The following ASPA variants were observed in gnomAD, a reference collection of about 807,000 sequenced individuals.
ASPA encodes aspartoacylase.
ASPA carries 25 observed loss-of-function variants against 29.6 expected under a neutral mutation model. The observed-to-expected ratio is 0.85, with a 90% CI of 0.62 to 1.18. The LOEUF (loss-of-function observed/expected upper bound fraction) is 1.18. Ranked by LOEUF, ASPA falls within the 50% of genes most tolerant of loss-of-function variation. ASPA has a pLI of 0.00. For missense variants in ASPA, 333 were observed against 385.7 expected, an observed-to-expected ratio of 0.86 and a Z score of 1.14; for synonymous variants, 131 against 130.3, an observed-to-expected ratio of 1.01 and a Z score of -0.04.
intron 5 of ASPA, among the ~76,000 whole-genome samples, chr17:3,497,113 T>A (rs936295860): frequency 6.6e-6 from 1 of 152,178 alleles, no homozygotes; most frequent in Non-Finnish European, 1.5e-5. Context: ...CCAGGGGCTC[T>A]GATCTAATTC....
intron 3 of ASPA, among the ~76,000 whole-genome samples, chr17:3,484,183 A>C (rs9904040): frequency 0.28 from 41,808 of 151,900 alleles, 6,223 homozygotes; most frequent in East Asian, 0.57. Flanking sequence ...TTCACCTGTC[A>C]CCTCCTATAG....
chr17:3,477,946 G>C (rs1218611802), intron 1 of ASPA, among the ~76,000 whole-genome samples: 5 of 151,716 alleles, frequency 3.3e-5, no homozygotes, highest in Non-Finnish European at 5.9e-5. Flanking sequence ...ACTTTGGGAG[G>C]CTGAGGCAGG....
At chr17:3,475,898 TTAAAG>T (rs1304099209), upstream of ASPA, 20 of 491,468 alleles carry the variant, frequency 4.1e-5, no homozygotes, top group Non-Finnish European at 7.0e-5. Context: ...GAGTTAGAAG[TTAAAG>T]TAAACAGCTG....
At position 3,502,277 on chromosome 17, in the gene ASPA, A is replaced by C. The variant is rs1055547446; in HGVS notation, c.*3189A>C. On this transcript the variant is annotated 3_prime_UTR_variant, in exon 6 of 6. Transcript: ENST00000263080. ...GATATAATGCTATTACACATTTAACATACTACATATAGTGTGAGCATAACT... is the reference window on the plus strand; with the variant it reads ...GATATAATGCTATTACACATTTAACCTACTACATATAGTGTGAGCATAACT... 3.3e-5 allele frequency: 5 copies of C among 152,246 alleles called. No individual in the cohort carries two copies. The highest frequency in any genetic ancestry group is 1.2e-4 in the African/African-American group (5 of 41,462). The allele number at this position is 152,246 out of a possible 1,614,324, so 9.4% of individuals were successfully genotyped here.
At position 3,499,261 on chromosome 17, in the gene ASPA, A is replaced by G. The variant is rs890549402; in HGVS notation, c.*173A>G. ...AATTAATTAATATATCTTTAAAGAT[A>G]TCATATTTTATGTATGTAGCTTATT... On this transcript the variant is annotated 3_prime_UTR_variant, in exon 6 of 6. Coordinates refer to ENST00000263080, the MANE Select transcript of ASPA (RefSeq NM_000049.4). The G allele has an allele frequency of 3.3e-5, 18 of 553,732 alleles. No individual in the cohort carries two copies. Among genetic ancestry groups the G allele is most frequent in the Non-Finnish European group, 5.2e-5 (17 of 324,952 alleles). The allele number at this position is 553,732 out of a possible 1,614,324, so 34.3% of individuals were successfully genotyped here.
At position 3,503,105 on chromosome 17, in the gene ASPA, G is replaced by C. The variant is rs1284630620; in HGVS notation, c.*4017G>C. 1 of 152,232 alleles carries C rather than the reference G, an allele frequency of 6.6e-6. No homozygotes were observed. The highest frequency in any genetic ancestry group is 1.5e-5 in the Non-Finnish European group (1 of 68,046). 9.4% of individuals were successfully genotyped at this position (152,232 alleles called of 1,614,324 possible). A position where few individuals can be genotyped will look rare whatever the true frequency, so the allele number is the denominator to read the frequency against. On this transcript the variant is annotated 3_prime_UTR_variant, in exon 6 of 6. Coordinates refer to ENST00000263080, the MANE Select transcript of ASPA (RefSeq NM_000049.4). ...CTCCCCGCCATCCTCTTAGGCCACA[G>C]CAGCCAATAAAGAGTGTTTTTATTC... is the stretch of plus-strand genomic sequence containing the variant.
chr17:3,486,871 A>G (rs2073731814), intron 3 of ASPA, among the ~76,000 whole-genome samples: 1 of 152,196 alleles, frequency 6.6e-6, no homozygotes, highest in Non-Finnish European at 1.5e-5. Flanking sequence ...TTTCGATACA[A>G]GATCTCATAT....
chr17:3,493,379 G>A (rs551801872), intron 4 of ASPA, among the ~76,000 whole-genome samples: 1 of 151,960 alleles, frequency 6.6e-6, no homozygotes, highest in Non-Finnish European at 1.5e-5. Context: ...TGGCCAACAT[G>A]GTGAGACCCC....
chr17:3,498,164 C>T (rs937022220), intron 5 of ASPA, among the ~76,000 whole-genome samples: 1 of 152,106 alleles, frequency 6.6e-6, no homozygotes, highest in African/African-American at 2.4e-5. Context: ...TATTTCCCAA[C>T]GGTAGAATGT....
At position 3,502,855 on chromosome 17, in the gene ASPA, G is replaced by A. The variant is rs1257928125; in HGVS notation, c.*3767G>A. 1 of 152,286 alleles carries A rather than the reference G, an allele frequency of 6.6e-6. No homozygotes were observed. Among genetic ancestry groups the A allele is most frequent in the Admixed American group, 6.5e-5 (1 of 15,286 alleles). 9.4% of individuals were successfully genotyped at this position (152,286 alleles called of 1,614,324 possible). ...CCACCCTTATTCGCAGGCAAGGTGT[G>A]AGGAGGTCTTTGGGCTCCAGCTGTT... On this transcript the variant is annotated 3_prime_UTR_variant, in exon 6 of 6. Transcript: ENST00000263080.
intron 3 of ASPA, among the ~76,000 whole-genome samples, chr17:3,486,855 T>C (rs2073731462): frequency 1.3e-5 from 2 of 152,176 alleles, no homozygotes; most frequent in Non-Finnish European, 2.9e-5. Flanking sequence ...AAACCAAAAA[T>C]TAATTTTTCG....
At position 3,499,084 on chromosome 17, in the gene ASPA, A is replaced by C. The variant is rs2073959553; in HGVS notation, c.938A>C (p.His313Pro). Residue 313 changes from histidine (H) to proline (P), a missense_variant, in exon 6 of 6, where the codon CAT becomes CCT. By Grantham distance (77) the His-to-Pro change is moderately conservative. Coordinates refer to ENST00000263080, the MANE Select transcript of ASPA (RefSeq NM_000049.4). ...GCAAAAAGTATTCGCTGCTGTTTAC[A>C]TTAGAAATCACTTCCAGCTTACATC... is the stretch of plus-strand genomic sequence containing the variant. ...LNAKSIRCCL[H>P] The C allele has an allele frequency of 6.2e-7, 1 of 1,613,694 alleles. No homozygotes were observed. Among genetic ancestry groups the C allele is most frequent in the East Asian group, 2.2e-5 (1 of 44,886 alleles).
Position 3,489,314 on chromosome 17 carries a change from T to A in ASPA, c.606T>A (p.Ala202=), listed in dbSNP as rs1567614696. 1.9e-6 allele frequency: 3 copies of A among 1,612,744 alleles called. No homozygotes were observed. The highest frequency in any genetic ancestry group is 1.3e-5 in the African/African-American group (1 of 75,002). Residue 202 remains alanine, a synonymous_variant, in exon 4 of 6, where the codon GCT becomes GCA. Transcript: ENST00000263080. ...AAATGAGAAAAATGATTAAACATGC[T>A]CTTGATTTTATACATCATTTCAATG... ...LDQMRKMIKH[A]LDFIHHFNEG...
In ASPA at chr17:3,488,437, A is replaced by G. The variant is rs1462711898; in HGVS notation, c.527-798A>G. Among the ~76,000 whole-genome samples, 1 of 152,164 alleles carries G rather than the reference A, an allele frequency of 6.6e-6. No individual in the cohort carries two copies. Among genetic ancestry groups the G allele is most frequent in the Non-Finnish European group, 1.5e-5 (1 of 68,036 alleles). ...TTGGGGAAGCCGAGAAGGGCAGATTACCTGCGGTCAGGAGTTTGAGACCAG... is the reference window on the plus strand; with the variant it reads ...TTGGGGAAGCCGAGAAGGGCAGATTGCCTGCGGTCAGGAGTTTGAGACCAG... On this transcript the variant is annotated intron_variant, in intron 3 of 5. Coordinates refer to ENST00000263080, the MANE Select transcript of ASPA (RefSeq NM_000049.4). This position sits in a 1 kb window ranked among gnomAD's most constrained non-coding sequence, Gnocchi z 6.1.
rs534413456 is a variant in ASPA, at chr17:3,496,819, C to T, written c.745-2072C>T. On this transcript the variant is annotated intron_variant, in intron 5 of 5. Coordinates refer to ENST00000263080, the MANE Select transcript of ASPA (RefSeq NM_000049.4). ...CGGTGGCTCACGCCTGTAATCCCAG[C>T]GCTTTGGGAGGCCGAGGCGGGCGGA... Among the ~76,000 whole-genome samples, 11 of 152,328 alleles carry T rather than the reference C, an allele frequency of 7.2e-5. No homozygotes were observed. In the East Asian group the frequency reaches 9.6e-4, roughly 13 times the overall value.
chr17:3,483,652 A>C lies in ASPA; in HGVS notation c.526+60A>C, dbSNP rs1316236831. The C allele has an allele frequency of 3.4e-6, 5 of 1,462,150 alleles. No individual in the cohort carries two copies. The African/African-American group carries it at 7.0e-5, about 20-fold the overall frequency. The allele number at this position is 1,462,150 out of a possible 1,614,324, so 90.6% of individuals were successfully genotyped here. A position where few individuals can be genotyped will look rare whatever the true frequency, so the allele number is the denominator to read the frequency against. On this transcript the variant is annotated intron_variant, in intron 3 of 5. Transcript: ENST00000263080. ...AATATGTCCTAGCTGAAACTCAGAG[A>C]AATTTATTTTTTATCTTATTTTATT...
intron 5 of ASPA, among the ~76,000 whole-genome samples, chr17:3,495,067 T>C (rs1223877518): frequency 6.6e-6 from 1 of 152,092 alleles, no homozygotes; most frequent in Non-Finnish European, 1.5e-5. Flanking sequence ...TGCCTAGTTT[T>C]ATCAATAATG....
At chr17:3,495,102 A>T (rs1189748974) in intron 5 of ASPA, among the ~76,000 whole-genome samples, 1 of 152,090 alleles carries the variant, frequency 6.6e-6, no homozygotes, top group Non-Finnish European at 1.5e-5. Context: ...GAAAAAAAAA[A>T]GGCTCTTGAG....
intron 5 of ASPA, among the ~76,000 whole-genome samples, chr17:3,497,032 C>A (rs2073921059): frequency 6.6e-6 from 1 of 152,174 alleles, no homozygotes; most frequent in Admixed American, 6.5e-5. Flanking sequence ...TGCCACTGCA[C>A]TCCAGCCTGG....
Sources: allele counts gnomAD v4.1 joint callset (sites outside exome capture counted in the v4.1 genomes callset), GRCh38; gene constraint gnomAD v4.1.1; non-coding constraint Gnocchi (gnomAD v3.1); transcripts MANE v1.5; gene names NCBI Gene and HGNC (gene_info 2026-07-23, HGNC 2026-07-21).